Variants in USO1 observed in about 807,000 individuals in gnomAD.
USO1 encodes the protein general vesicular transport factor p115.
USO1 carries 57 observed loss-of-function variants against 124.5 expected under a neutral mutation model. The observed-to-expected ratio is 0.46, with a 90% confidence interval of 0.37 to 0.57. USO1 has a LOEUF of 0.57. Among genes scored for constraint, USO1 ranks in the 20% least tolerant of loss-of-function variants. The pLI is 0.00. For missense variants in USO1, 900 were observed against 1,040.6 expected (o/e 0.86, Z 1.86); for synonymous variants, 369 against 362.8 (o/e 1.02, Z -0.19).
At chr4:75,750,254 T>A (rs1161979121) in intron 1 of USO1, among the ~76,000 whole-genome samples, 1 of 151,982 alleles carries the variant, frequency 6.6e-6, no homozygotes, top group Admixed American at 6.6e-5. Flanking sequence ...AGCAATATAG[T>A]TAGACCCTGT....
At chr4:75,737,686 A>G (rs1223861278) in intron 1 of USO1, among the ~76,000 whole-genome samples, 1 of 152,198 alleles carries the variant, frequency 6.6e-6, no homozygotes, top group Non-Finnish European at 1.5e-5. Context: ...GCAGAGCAAG[A>G]AGATCCTGGC....
intron 9 of USO1, among the ~76,000 whole-genome samples, chr4:75,786,196 C>T (rs1220919954): frequency 2.0e-5 from 3 of 152,114 alleles, no homozygotes; most frequent in Non-Finnish European, 2.9e-5. Flanking sequence ...AATCCCCTTT[C>T]TTAGTGGAGT....
In USO1 at chr4:75,800,754, A is replaced by G. The variant is rs774601907; in HGVS notation, c.1819A>G (p.Met607Val). ...PQPNFPSPEY[M>V]IFDHEFTKLV... is the part of the protein sequence containing the mutation. The stretch of plus-strand genomic sequence containing the variant: ...GCCAAACTTTCCCAGTCCAGAATAC[A>G]TGATATTTGATCATGAGTTTACGAA... Residue 607 changes from methionine (M) to valine (V), a missense_variant, in exon 16 of 24, where the codon ATG becomes GTG. Around this residue, in one of 2 missense-constraint regions of USO1, gnomAD observed 538 missense variants for 681.6 expected, o/e 0.79. Coordinates refer to ENST00000514213, the MANE Select transcript of USO1 (RefSeq NM_003715.4). 2.5e-6 allele frequency: 4 copies of G among 1,613,558 alleles called. No individual in the cohort carries two copies. Among genetic ancestry groups the G allele is most frequent in the Non-Finnish European group, 2.5e-6 (3 of 1,179,776 alleles).
chr4:75,735,763 C>T (rs577744038), intron 1 of USO1, among the ~76,000 whole-genome samples: 9 of 152,200 alleles, frequency 5.9e-5, no homozygotes, highest in African/African-American at 1.9e-4. Context: ...TCAAGTGATC[C>T]TCTCAAAGTG....
In USO1 at chr4:75,801,211, A is replaced by T; in HGVS notation, c.1986+11A>T. The T allele has an allele frequency of 6.3e-7, 1 of 1,598,622 alleles. No individual in the cohort carries two copies. On this transcript the variant is annotated intron_variant, in intron 17 of 23. Transcript: ENST00000514213. The stretch of plus-strand genomic sequence containing the variant: ...ATGATTCGAGAGCAGGTAAGTACTA[A>T]TGAACTGTATATACCCTCTGATTAC...
At chr4:75,772,816 G>C (rs1049269489) in intron 7 of USO1, among the ~76,000 whole-genome samples, 2 of 152,008 alleles carry the variant, frequency 1.3e-5, no homozygotes, top group Non-Finnish European at 2.9e-5. Context: ...ACTGCATTAG[G>C]CCAGGCGTGG....
chr4:75,749,435 CTG>C (rs1721234100), intron 1 of USO1, among the ~76,000 whole-genome samples: 3 of 148,082 alleles, frequency 2.0e-5, no homozygotes, highest in Admixed American at 6.8e-5. Flanking sequence ...AGGTCTCACT[CTG>C]TTGCTCAGGC....
intron 1 of USO1, among the ~76,000 whole-genome samples, chr4:75,725,791 CTAAG>C (rs1172454526): frequency 6.6e-6 from 1 of 152,110 alleles, no homozygotes; most frequent in Non-Finnish European, 1.5e-5. Flanking sequence ...ATAAAAGAGA[CTAAG>C]TATAACACTT....
In USO1 at chr4:75,803,288, A is replaced by G. The variant is rs560373103; in HGVS notation, c.1987-846A>G. On this transcript the variant is annotated intron_variant, in intron 17 of 23. Coordinates refer to ENST00000514213, the MANE Select transcript of USO1 (RefSeq NM_003715.4). ...TAAATTAAAGGCTACATAATTATATATATATACCTATTGTGACAAATTTTA... is the reference window on the plus strand; with the variant it reads ...TAAATTAAAGGCTACATAATTATATGTATATACCTATTGTGACAAATTTTA... Among the ~76,000 whole-genome samples, 9 of 152,192 alleles carry G rather than the reference A, an allele frequency of 5.9e-5. No individual in the cohort carries two copies. In the South Asian group the frequency reaches 1.5e-3, roughly 25 times the overall value.
At chr4:75,763,117 A>G (rs569371366) in intron 4 of USO1, among the ~76,000 whole-genome samples, 72 of 152,340 alleles carry the variant, frequency 4.7e-4, no homozygotes, top group African/African-American at 1.7e-3. Flanking sequence ...GAGAAGATCC[A>G]GAAATGTTTT....
chr4:75,750,418 A>G (rs1270989628), intron 1 of USO1, among the ~76,000 whole-genome samples: 11 of 121,918 alleles, frequency 9.0e-5, no homozygotes, highest in South Asian at 3.2e-4. Context: ...AACCTAGGAG[A>G]TAGAGCAAGA....
intron 8 of USO1, among the ~76,000 whole-genome samples, chr4:75,775,944 C>G (rs1440407357): frequency 1.3e-5 from 2 of 152,116 alleles, no homozygotes; most frequent in Non-Finnish European, 2.9e-5. Context: ...AGAGGATTAT[C>G]GCCAAAGATG....
At chr4:75,804,652 A>G (rs1560461800) in intron 18 of USO1, among the ~76,000 whole-genome samples, 1 of 152,240 alleles carries the variant, frequency 6.6e-6, no homozygotes, top group Non-Finnish European at 1.5e-5. Flanking sequence ...AGGTGATTCT[A>G]ATGTATAGCT....
chr4:75,740,526 A>G (rs1186054316), intron 1 of USO1, among the ~76,000 whole-genome samples: 1 of 152,202 alleles, frequency 6.6e-6, no homozygotes, highest in Admixed American at 6.5e-5. Flanking sequence ...GGCTTCAAGC[A>G]GTCCTCCTTT....
intron 1 of USO1, among the ~76,000 whole-genome samples, chr4:75,725,139 G>C (rs1720374492): frequency 6.6e-6 from 1 of 152,250 alleles, no homozygotes; most frequent in Non-Finnish European, 1.5e-5. Flanking sequence ...CTGAAGCTCG[G>C]GCTAGGAGAG....
chr4:75,793,743 A>G lies in USO1; in HGVS notation c.1294A>G (p.Thr432Ala), dbSNP rs1447519632. Reference sequence around the variant, plus strand: ...GTTATTATGTGGAGGTTTGTTTTCTACTGATTCACTTTCAAACTGGTGTGC... The same window carrying G: ...GTTATTATGTGGAGGTTTGTTTTCTGCTGATTCACTTTCAAACTGGTGTGC... ...GQLLCGGLFS[T>A]DSLSNWCAAV... The change falls in exon 13 of 24, where the codon ACT becomes GCT. Residue 432 changes from threonine to alanine, a missense_variant. By Grantham distance (58) the Thr-to-Ala change is moderately conservative. This residue lies in a region of USO1 where 538 missense variants were observed against 681.6 expected (regional missense o/e 0.79). Transcript: ENST00000514213. 1.9e-6 allele frequency: 3 copies of G among 1,613,306 alleles called. No homozygotes were observed. The highest frequency in any genetic ancestry group is 1.7e-5 in the Admixed American group (1 of 59,928).
chr4:75,777,014 C>T (rs775977013), intron 8 of USO1, among the ~76,000 whole-genome samples: 2 of 152,084 alleles, frequency 1.3e-5, no homozygotes, highest in Admixed American at 6.6e-5. Flanking sequence ...GCATACATCA[C>T]GCCTATAATA....
At chr4:75,809,105 T>C (rs324690) in intron 21 of USO1, 54 bp downstream of exon 21, 1,090,456 of 1,510,016 alleles carry the variant, frequency 0.72, 399,563 homozygotes, top group East Asian at 0.9. Context: ...GTTGATGTAT[T>C]ATTTCTTAGC....
intron 1 of USO1, among the ~76,000 whole-genome samples, chr4:75,725,833 T>A (rs1320290649): frequency 6.6e-6 from 1 of 152,214 alleles, no homozygotes; most frequent in Non-Finnish European, 1.5e-5. Flanking sequence ...AATGGGATCC[T>A]GAGGGATAAT....
Sources: gnomAD v4.1 joint callset for allele counts (sites outside exome capture counted in the v4.1 genomes callset) on GRCh38, gnomAD v4.1.1 for gene constraint, gnomAD v4.1.1 regional missense constraint, MANE v1.5 for transcripts, NCBI Gene and HGNC (gene_info 2026-07-23, HGNC 2026-07-21) for gene names.